HNRNPF: variants seen among roughly 807,000 people sequenced by gnomAD.
HNRNPF encodes the protein HnRNP F protein.
A neutral mutation model predicts 26.0 loss-of-function variants in HNRNPF; 2 were observed. The ratio of observed to expected loss-of-function variants is 0.08; its 90% CI spans 0.03 to 0.24. The LOEUF (loss-of-function observed/expected upper bound fraction) is 0.24, where lower values mean the gene tolerates loss of function less well. Ranked by LOEUF, HNRNPF falls within the 10% of genes least tolerant of loss-of-function variation. The pLI is 1.00. For missense variants in HNRNPF, 299 were observed against 539.2 expected, an observed-to-expected ratio of 0.55 and a Z score of 4.41; for synonymous variants, 234 against 211.5, an observed-to-expected ratio of 1.11 and a Z score of -0.92.
chr10:43,387,690 A>C lies in HNRNPF; in HGVS notation c.195T>G (p.Asp65Glu). 1 of 1,613,872 alleles carries C rather than the reference A, an allele frequency of 6.2e-7. No individual in the cohort carries two copies. The highest frequency in any genetic ancestry group is 8.5e-7 in the Non-Finnish European group (1 of 1,179,994). The stretch of plus-strand genomic sequence containing the variant: ...CTTTTTTCAGGGCCATTTTTACATC[A>C]TCTTCTGATCCAAGTTCAACAAAAG... ...GEAFVELGSE[D>E]DVKMALKKDR... is the part of the protein sequence containing the mutation. Residue 65 changes from aspartate to glutamate, a missense_variant, in exon 4 of 4, where the codon GAT becomes GAG. By Grantham distance (45) the Asp-to-Glu change is conservative. This residue lies in a region of HNRNPF where 104 missense variants were observed against 239.0 expected (regional missense o/e 0.44). Coordinates refer to ENST00000682386, the MANE Select transcript of HNRNPF (RefSeq NM_001098204.2). The surrounding 1 kb of genome is among the most constrained non-coding windows in gnomAD (Gnocchi z 6.0).
intron 1 of HNRNPF, among the ~76,000 whole-genome samples, chr10:43,407,551 C>G (rs1027054278): frequency 1.3e-5 from 2 of 151,944 alleles, no homozygotes; most frequent in Non-Finnish European, 1.5e-5. Context: ...TTGGGGGAGC[C>G]GGGCAGCCGG....
At chr10:43,391,100 G>A (rs1838225360) in intron 3 of HNRNPF, among the ~76,000 whole-genome samples, 1 of 152,086 alleles carries the variant, frequency 6.6e-6, no homozygotes, top group Non-Finnish European at 1.5e-5. Context: ...GAGATCATGA[G>A]TTCCAATAGA....
intron 3 of HNRNPF, among the ~76,000 whole-genome samples, chr10:43,393,670 T>G (rs552225705): frequency 6.6e-6 from 1 of 152,210 alleles, no homozygotes; most frequent in East Asian, 1.9e-4. Flanking sequence ...ACGTGTACTT[T>G]TAAAACTCAT....
At chr10:43,390,663 A>C (rs1838207343) in intron 3 of HNRNPF, among the ~76,000 whole-genome samples, 1 of 152,192 alleles carries the variant, frequency 6.6e-6, no homozygotes, top group Non-Finnish European at 1.5e-5. Flanking sequence ...TCATTCAATG[A>C]ACTTCTTAAC....
intron 3 of HNRNPF, among the ~76,000 whole-genome samples, chr10:43,394,052 A>AG (rs2131972203): frequency 6.6e-6 from 1 of 152,230 alleles, no homozygotes; most frequent in East Asian, 1.9e-4. Flanking sequence ...AGGGGTCTTA[A>AG]ACCCACAATA....
At chr10:43,390,178 C>T (rs1838186779) in intron 3 of HNRNPF, among the ~76,000 whole-genome samples, 1 of 152,176 alleles carries the variant, frequency 6.6e-6, no homozygotes, top group Non-Finnish European at 1.5e-5. Context: ...AGAAGCTCCT[C>T]CTTGGAGAGT....
At chr10:43,400,603 A>G (rs1191983056) in intron 1 of HNRNPF, among the ~76,000 whole-genome samples, 1 of 152,196 alleles carries the variant, frequency 6.6e-6, no homozygotes, top group African/African-American at 2.4e-5. Flanking sequence ...TAAAATTCCT[A>G]TTCAGTCACT....
intron 1 of HNRNPF, among the ~76,000 whole-genome samples, chr10:43,401,182 C>T (rs889886810): frequency 6.6e-6 from 1 of 152,178 alleles, no homozygotes; most frequent in African/African-American, 2.4e-5. Context: ...GGGGATCTGT[C>T]CTGATCTGCA....
intron 1 of HNRNPF, among the ~76,000 whole-genome samples, chr10:43,408,071 G>C (rs1251876495): frequency 1.3e-5 from 2 of 152,156 alleles, no homozygotes; most frequent in African/African-American, 2.4e-5. Flanking sequence ...ACAGGCGCGC[G>C]CCACCACACG....
At chr10:43,402,607 A>C (rs1838788247) in intron 1 of HNRNPF, among the ~76,000 whole-genome samples, 1 of 152,250 alleles carries the variant, frequency 6.6e-6, no homozygotes, top group African/African-American at 2.4e-5. Flanking sequence ...CCAGACAAAA[A>C]CATCACAAGA....
At chr10:43,408,262 G>T (rs186620654) in intron 1 of HNRNPF, among the ~76,000 whole-genome samples, 1 of 152,140 alleles carries the variant, frequency 6.6e-6, no homozygotes, top group Non-Finnish European at 1.5e-5. Flanking sequence ...TAACGCACCC[G>T]GCCGTCCGTG....
chr10:43,387,576 G>A lies in HNRNPF; in HGVS notation c.309C>T (p.Asn103=), dbSNP rs1838078034. Residue 103 remains asparagine (N), a synonymous_variant, in exon 4 of 4, where the codon AAC becomes AAT. Transcript: ENST00000682386. The surrounding 1 kb of genome is among the most constrained non-coding windows in gnomAD (Gnocchi z 6.0). ...AGCCATCGTTGGCGCTGTCGGCACT[G>A]TTGGGACCACTGTGCTTCAACACCC... ...MDWVLKHSGP[N]SADSANDGFV... is the part of the protein sequence containing the mutation. The A allele has an allele frequency of 5.0e-6, 8 of 1,614,064 alleles. No individual in the cohort carries two copies. Among genetic ancestry groups the A allele is most frequent in the Admixed American group, 1.7e-5 (1 of 59,990 alleles).
intron 1 of HNRNPF, among the ~76,000 whole-genome samples, chr10:43,398,591 C>G (rs985784758): frequency 1.3e-5 from 2 of 152,036 alleles, no homozygotes; most frequent in African/African-American, 4.8e-5. Flanking sequence ...CCACCCACTT[C>G]AGCCTCTCAA....
At chr10:43,403,515 AAGTATC>A in intron 1 of HNRNPF, among the ~76,000 whole-genome samples, 1 of 152,224 alleles carries the variant, frequency 6.6e-6, no homozygotes, top group Admixed American at 6.5e-5. Flanking sequence ...AGTCCAAACC[AAGTATC>A]AGTCAACCTA....
chr10:43,386,792 T>C lies in HNRNPF; in HGVS notation c.1093A>G (p.Thr365Ala). 6.2e-7 allele frequency: 1 copy of C among 1,614,156 alleles called. No individual in the cohort carries two copies. The highest frequency in any genetic ancestry group is 1.1e-5 in the South Asian group (1 of 91,084). Residue 365 changes from threonine to alanine, a missense_variant, in exon 4 of 4, where the codon ACA becomes GCA. Physicochemically the swap from Thr to Ala is moderately conservative, Grantham distance 58. This residue lies in a region of HNRNPF where 53 missense variants were observed against 72.4 expected (regional missense o/e 0.73). Coordinates refer to ENST00000682386, the MANE Select transcript of HNRNPF (RefSeq NM_001098204.2). ...CTATACGCCCCATTGCTGGCCCCTG[T>C]TGTTGAATTCAAGAAGAGTTCTATA... ...RYIELFLNST[T>A]GASNGAYSSQ... is the part of the protein sequence containing the mutation.
intron 3 of HNRNPF, among the ~76,000 whole-genome samples, chr10:43,393,356 G>T (rs1367557924): frequency 1.3e-5 from 2 of 152,164 alleles, no homozygotes; most frequent in African/African-American, 4.8e-5. Flanking sequence ...AGCACTTTGG[G>T]AGGCTGAGGC....
At chr10:43,402,556 T>G (rs1024415128) in intron 1 of HNRNPF, among the ~76,000 whole-genome samples, 1 of 152,234 alleles carries the variant, frequency 6.6e-6, no homozygotes, top group East Asian at 1.9e-4. Flanking sequence ...TGTATTACTT[T>G]GCATGGCAGC....
intron 1 of HNRNPF, among the ~76,000 whole-genome samples, chr10:43,404,763 A>C (rs1268580582): frequency 6.6e-6 from 1 of 152,132 alleles, no homozygotes; most frequent in Non-Finnish European, 1.5e-5. Flanking sequence ...CCCAGGAGGC[A>C]GTGAGACAAG....
chr10:43,407,312 C>T (rs918115813), intron 1 of HNRNPF, among the ~76,000 whole-genome samples: 1 of 151,918 alleles, frequency 6.6e-6, no homozygotes, highest in Non-Finnish European at 1.5e-5. Context: ...CCCGAGCCCC[C>T]AGCGCCCGCG....
Sources: gnomAD v4.1 joint callset for allele counts (sites outside exome capture counted in the v4.1 genomes callset) on GRCh38, gnomAD v4.1.1 for gene constraint, gnomAD v4.1.1 regional missense constraint, Gnocchi (gnomAD v3.1) non-coding constraint, MANE v1.5 for transcripts, NCBI Gene and HGNC (gene_info 2026-07-23, HGNC 2026-07-21) for gene names.